Variants in MITF observed in about 807,000 individuals in gnomAD.
The protein encoded by MITF is microphthalmia-associated transcription factor.
MITF carries 17 observed loss-of-function variants against 60.5 expected under a neutral mutation model. That is an observed-to-expected ratio of 0.28 (90% CI 0.19 to 0.42). MITF has a LOEUF of 0.42. Among genes scored for constraint, MITF ranks in the 10% least tolerant of loss-of-function variants. The probability of loss-of-function intolerance (pLI) is 1.00; values close to 1 mark genes in which losing one functional copy is unlikely to be tolerated. For synonymous variants in MITF, 260 were observed against 248.5 expected, an observed-to-expected ratio of 1.05 and a Z score of -0.43; for missense variants, 622 against 683.5, an observed-to-expected ratio of 0.91 and a Z score of 1.00.
At chr3:69,913,628 T>A (rs1300004925) in intron 2 of MITF, among the ~76,000 whole-genome samples, 1 of 152,206 alleles carries the variant, frequency 6.6e-6, no homozygotes, top group Non-Finnish European at 1.5e-5. Context: ...TCATTTATGA[T>A]GGTGCAGTCT....
intron 1 of MITF, among the ~76,000 whole-genome samples, chr3:69,772,857 G>A (rs2062413979): frequency 6.6e-6 from 1 of 152,090 alleles, no homozygotes; most frequent in Admixed American, 6.6e-5. Flanking sequence ...TATGTTTCAG[G>A]AAGTTGTCTA....
At chr3:69,836,689 T>G (rs2063546510) in intron 1 of MITF, among the ~76,000 whole-genome samples, 1 of 152,230 alleles carries the variant, frequency 6.6e-6, no homozygotes, top group African/African-American at 2.4e-5. Flanking sequence ...ACAGTCAAAT[T>G]TTGAAACTGC....
intron 1 of MITF, chr3:69,763,765 T>C (rs2062246048): frequency 1.5e-5 from 21 of 1,364,096 alleles, no homozygotes; most frequent in Non-Finnish European, 1.9e-5. Flanking sequence ...CTCCTTTTGC[T>C]TCTGACCTAA....
intron 4 of MITF, among the ~76,000 whole-genome samples, chr3:69,939,382 G>T (rs1297838308): frequency 6.6e-6 from 1 of 150,952 alleles, no homozygotes; most frequent in Non-Finnish European, 1.5e-5. Context: ...ACTAAAATGT[G>T]TTTTTCCCCT....
intron 2 of MITF, among the ~76,000 whole-genome samples, chr3:69,927,805 T>A (rs2065627913): frequency 6.6e-6 from 1 of 152,186 alleles, no homozygotes; most frequent in African/African-American, 2.4e-5. Context: ...AGTTCACACA[T>A]CACCCCCACA....
At chr3:69,881,430 G>A (rs1166871298) in intron 2 of MITF, among the ~76,000 whole-genome samples, 1 of 151,742 alleles carries the variant, frequency 6.6e-6, no homozygotes, top group Non-Finnish European at 1.5e-5. Context: ...ACAAATTTTG[G>A]TATTCTTAAA....
intron 1 of MITF, among the ~76,000 whole-genome samples, chr3:69,802,158 G>A (rs2062931947): frequency 6.6e-6 from 1 of 152,150 alleles, no homozygotes; most frequent in African/African-American, 2.4e-5. Context: ...AAGACATTGG[G>A]CAATGTCTGG....
chr3:69,827,574 T>C (rs750654859), intron 1 of MITF, among the ~76,000 whole-genome samples: 56 of 152,230 alleles, frequency 3.7e-4, no homozygotes, highest in East Asian at 9.7e-4. Flanking sequence ...AAGCCTGATA[T>C]CAATGGGGAG....
intron 1 of MITF, among the ~76,000 whole-genome samples, chr3:69,767,839 T>C (rs1575684326): frequency 6.6e-6 from 1 of 152,066 alleles, no homozygotes; most frequent in South Asian, 2.1e-4. Context: ...GTTAGGATGG[T>C]TCCAGCTGAA....
chr3:69,944,435 C>G (rs1291831705), intron 5 of MITF, among the ~76,000 whole-genome samples: 1 of 152,122 alleles, frequency 6.6e-6, no homozygotes, highest in African/African-American at 2.4e-5. Context: ...GTTGAATTAA[C>G]TCCCAGACAG....
At chr3:69,743,587 A>C (rs1217562267) in intron 1 of MITF, among the ~76,000 whole-genome samples, 1 of 152,210 alleles carries the variant, frequency 6.6e-6, no homozygotes, top group Non-Finnish European at 1.5e-5. Context: ...ATTGGTGGTT[A>C]AGGCTGTGTA....
intron 2 of MITF, among the ~76,000 whole-genome samples, chr3:69,933,381 C>T (rs1261110908): frequency 6.6e-6 from 1 of 152,048 alleles, no homozygotes; most frequent in Non-Finnish European, 1.5e-5. Context: ...CTTAAACTGA[C>T]ATGTGATGTG....
At chr3:69,778,040 A>T (rs983174918) in intron 1 of MITF, among the ~76,000 whole-genome samples, 1 of 152,068 alleles carries the variant, frequency 6.6e-6, no homozygotes, top group African/African-American at 2.4e-5. Context: ...AGCTGGGGTC[A>T]CTCGGGACTT....
chr3:69,929,994 C>A (rs946393440), intron 2 of MITF, among the ~76,000 whole-genome samples: 2 of 151,978 alleles, frequency 1.3e-5, no homozygotes, highest in Admixed American at 1.3e-4. Flanking sequence ...TTTTGACCTA[C>A]CCCCGCCCCC....
At chr3:69,755,898 C>G (rs1204639371) in intron 1 of MITF, among the ~76,000 whole-genome samples, 1 of 152,182 alleles carries the variant, frequency 6.6e-6, no homozygotes, top group Non-Finnish European at 1.5e-5. Context: ...TTATTGCTCT[C>G]TGCCTACTGC....
At chr3:69,855,566 T>C (rs1212608599) in intron 1 of MITF, among the ~76,000 whole-genome samples, 4 of 152,154 alleles carry the variant, frequency 2.6e-5, no homozygotes, top group African/African-American at 9.7e-5. Flanking sequence ...ATGATTTTTT[T>C]TTTCAAGTAC....
At chr3:69,889,424 T>TG (rs1268624458) in intron 2 of MITF, among the ~76,000 whole-genome samples, 2 of 151,556 alleles carry the variant, frequency 1.3e-5, no homozygotes, top group Non-Finnish European at 2.9e-5. Flanking sequence ...AAAGCAGTGC[T>TG]GTCTGATAGA....
chr3:69,757,142 A>C (rs1704181864), intron 1 of MITF, among the ~76,000 whole-genome samples: 1 of 152,274 alleles, frequency 6.6e-6, no homozygotes, highest in South Asian at 2.1e-4. Context: ...CTTCCAGACC[A>C]CTTCCCCCAA....
Position 69,765,092 on chromosome 3 carries a change from G to C in MITF, c.104+25391G>C, listed in dbSNP as rs78583877. On this transcript the variant is annotated intron_variant, in intron 1 of 9. Transcript: ENST00000352241. ...GCTGGGTGGTATTGATTGAACTGCA[G>C]TCCCGTGGAAACAGAAATAGAAAGG... Among the ~76,000 whole-genome samples, 342 of 152,278 alleles carry C rather than the reference G, an allele frequency of 2.2e-3. 1 individual carries two copies. The highest frequency in any genetic ancestry group is 7.2e-3 in the African/African-American group (298 of 41,558).
Sources: allele counts gnomAD v4.1 joint callset (sites outside exome capture counted in the v4.1 genomes callset), GRCh38; gene constraint gnomAD v4.1.1; transcripts MANE v1.5; gene names NCBI Gene and HGNC (gene_info 2026-07-23, HGNC 2026-07-21).